Variants in GATA4 observed in about 807,000 individuals in gnomAD.
GATA4 encodes the protein transcription factor GATA-4.
Under a neutral mutation model 37.9 loss-of-function variants are expected in GATA4, and 7 were observed. That is an observed-to-expected ratio of 0.18 (90% CI 0.11 to 0.35). GATA4 has a LOEUF of 0.35. Among genes scored for constraint, GATA4 ranks in the 10% least tolerant of loss-of-function variants. GATA4 has a pLI of 1.00. For synonymous variants in GATA4, 372 were observed against 292.6 expected (o/e 1.27, Z -2.77); for missense variants, 647 against 653.0 (o/e 0.99, Z 0.10).
chr8:11,706,533 C>T (rs1221952006), intron 1 of GATA4, among the ~76,000 whole-genome samples: 1 of 152,176 alleles, frequency 6.6e-6, no homozygotes, highest in Non-Finnish European at 1.5e-5. Context: ...TTAATATCTG[C>T]ATTTTGCAGA....
intron 4 of GATA4, among the ~76,000 whole-genome samples, chr8:11,754,280 G>A (rs79945119): frequency 2.1e-4 from 32 of 152,214 alleles, no homozygotes; most frequent in African/African-American, 7.0e-4. Flanking sequence ...GCAGTGGCAC[G>A]ATCACGGCTT....
chr8:11,706,082 C>T (rs1374528113), intron 1 of GATA4: 1 of 152,138 alleles, frequency 6.6e-6, no homozygotes, highest in Non-Finnish European at 1.5e-5. Flanking sequence ...AAGTTGGTGA[C>T]CTCAGGTCAA....
intron 4 of GATA4, 81 bp downstream of exon 4, chr8:11,750,317 C>T: frequency 1.3e-6 from 2 of 1,572,124 alleles, no homozygotes; most frequent in South Asian, 2.2e-5. Flanking sequence ...TTCCTTTGTA[C>T]TAGCATTCAT....
At chr8:11,682,562 A>C (rs1799005054) in intron 1 of GATA4, among the ~76,000 whole-genome samples, 1 of 152,146 alleles carries the variant, frequency 6.6e-6, no homozygotes, top group Non-Finnish European at 1.5e-5. Flanking sequence ...GCTTGTAAGA[A>C]GTTTTTTTCC....
Position 11,704,202 on chromosome 8 carries a change from G to C in GATA4, c.-560G>C, listed in dbSNP as rs905453984. On this transcript the variant is annotated 5_prime_UTR_variant, in exon 1 of 7. Transcript: ENST00000532059. ...GGGCCGGGGACCCGAGCCGCGAGCT[G>C]GGGACTTGGAGGCGGCCGGCGCAGG... 6.6e-6 allele frequency: 1 copy of C among 152,308 alleles called. No individual in the cohort carries two copies. Among genetic ancestry groups the C allele is most frequent in the Non-Finnish European group, 1.5e-5 (1 of 68,140 alleles). 9.4% of individuals were successfully genotyped at this position (152,308 alleles called of 1,614,324 possible).
In GATA4 at chr8:11,679,452, C is replaced by A. The variant is rs1392845420; in HGVS notation, c.-274+2389C>A. 2.0e-5 allele frequency among the ~76,000 whole-genome samples: 3 copies of A among 152,190 alleles called. No individual in the cohort carries two copies. The East Asian group carries it at 5.8e-4, about 29-fold the overall frequency. The stretch of plus-strand genomic sequence containing the variant: ...CCGAAGCCGATCTAAGGTCAATAAA[C>A]CAGGCGGCGTCAGGCTTGGGCCGAG... On this transcript the variant is annotated intron_variant, in intron 1 of 6. Coordinates refer to the GATA4 transcript ENST00000528712.
intron 2 of GATA4, among the ~76,000 whole-genome samples, chr8:11,744,816 C>CCCTGA (rs1229341790): frequency 6.6e-6 from 1 of 152,072 alleles, no homozygotes; most frequent in African/African-American, 2.4e-5. Flanking sequence ...TTTTGGTAAC[C>CCCTGA]CCTGACCCTT....
chr8:11,692,760 G>A (rs958675880), intron 1 of GATA4: 58 of 982,634 alleles, frequency 5.9e-5, no homozygotes, highest in Non-Finnish European at 6.0e-5. Context: ...GCGGACGGAC[G>A]GGGGGCGGGA....
At chr8:11,702,055 C>T (rs1181732160), upstream of GATA4, among the ~76,000 whole-genome samples, 1 of 152,206 alleles carries the variant, frequency 6.6e-6, no homozygotes, top group African/African-American at 2.4e-5. The surrounding 1 kb of genome is among the most constrained non-coding windows in gnomAD (Gnocchi z 4.4). Flanking sequence ...GTGTACAGAG[C>T]AGGGGGTTGA....
intron 4 of GATA4, among the ~76,000 whole-genome samples, chr8:11,750,743 G>A (rs1218733645): frequency 7.4e-6 from 1 of 134,984 alleles, no homozygotes; most frequent in Non-Finnish European, 1.5e-5. Context: ...AACCAACCTG[G>A]ACAACATGGT....
At chr8:11,728,517 C>T (rs1801052020) in intron 2 of GATA4, among the ~76,000 whole-genome samples, 1 of 151,624 alleles carries the variant, frequency 6.6e-6, no homozygotes, top group African/African-American at 2.4e-5. Context: ...TACAGGTGTG[C>T]ACCACCATAC....
chr8:11,758,705 G>A lies in GATA4; in HGVS notation c.*230G>A. On this transcript the variant is annotated 3_prime_UTR_variant, in exon 7 of 7. Transcript: ENST00000532059. ...GGAGGGAGCCCACCCTTCAGCACGA[G>A]CACACTGCATCTCTCCTGTGAGTTG... 1 of 584,342 alleles carries A rather than the reference G, an allele frequency of 1.7e-6. No homozygotes were observed. The highest frequency in any genetic ancestry group is 3.1e-6 in the Non-Finnish European group (1 of 324,722). The allele number at this position is 584,342 out of a possible 1,614,324, so 36.2% of individuals were successfully genotyped here. A position where few individuals can be genotyped will look rare whatever the true frequency, so the allele number is the denominator to read the frequency against.
chr8:11,758,426 G>A lies in GATA4; in HGVS notation c.1283G>A (p.Trp428Ter). ...SPQTSSKQDS[W>*]NSLVLADSHG... is the part of the protein sequence containing the mutation. ...CAGACCAGCTCCAAGCAGGACTCTT[G>A]GAACAGCCTGGTCTTGGCCGACAGT... is the stretch of plus-strand genomic sequence containing the variant. Residue 428 changes from tryptophan to a stop codon, truncating the protein, a stop_gained, in exon 7 of 7, where the codon TGG (tryptophan) becomes TAG (stop). Coordinates refer to ENST00000532059, the MANE Select transcript of GATA4 (RefSeq NM_001308093.3). LOFTEE classifies it high-confidence loss of function. The A allele has an allele frequency of 1.2e-6, 2 of 1,614,230 alleles. No homozygotes were observed. The highest frequency in any genetic ancestry group is 1.7e-6 in the Non-Finnish European group (2 of 1,180,036).
chr8:11,748,940 A>C lies in GATA4; in HGVS notation c.641A>C (p.Glu214Ala). ...NLVDMFDDFS[E>A]GRECVNCGAM... The stretch of plus-strand genomic sequence containing the variant: ...GTAGATATGTTTGACGACTTCTCAG[A>C]AGGCAGAGAGTGTGTCAACTGTGGG... Residue 214 changes from glutamate (E) to alanine (A), a missense_variant, in exon 3 of 7, where the codon GAA (glutamate) becomes GCA (alanine). Physicochemically the swap from Glu to Ala is moderately radical, Grantham distance 107. This residue lies in a region of GATA4 where 379 missense variants were observed against 334.5 expected (regional missense o/e 1.13). Transcript: ENST00000532059. 6.2e-7 allele frequency: 1 copy of C among 1,614,226 alleles called. No homozygotes were observed. Among genetic ancestry groups the C allele is most frequent in the Non-Finnish European group, 8.5e-7 (1 of 1,180,044 alleles).
At chr8:11,679,179 C>G (rs28468438) in intron 1 of GATA4, among the ~76,000 whole-genome samples, 90,252 of 118,740 alleles carry the variant, frequency 0.76, 31,030 homozygotes, top group Middle Eastern at 0.82. Flanking sequence ...CGAATAATTG[C>G]GGGGGGGGGC....
At chr8:11,733,727 A>G (rs1326804254) in intron 2 of GATA4, among the ~76,000 whole-genome samples, 1 of 152,226 alleles carries the variant, frequency 6.6e-6, no homozygotes, top group African/African-American at 2.4e-5. Flanking sequence ...GCAGAGGAGT[A>G]TCCATGGTAT....
chr8:11,681,679 T>C (rs139003069), intron 1 of GATA4, among the ~76,000 whole-genome samples: 2 of 152,318 alleles, frequency 1.3e-5, no homozygotes, highest in Admixed American at 1.3e-4. Flanking sequence ...CTTTCTCTCT[T>C]CATTTCTCTC....
At chr8:11,693,479 AGAG>A (rs1418031101) in intron 1 of GATA4, among the ~76,000 whole-genome samples, 27 of 76,912 alleles carry the variant, frequency 3.5e-4, no homozygotes, top group African/African-American at 9.7e-4. Context: ...GGGAGAAAGA[AGAG>A]AGAGAGAGAG....
At chr8:11,743,801 T>C (rs979532176) in intron 2 of GATA4, among the ~76,000 whole-genome samples, 8 of 152,158 alleles carry the variant, frequency 5.3e-5, no homozygotes, top group Non-Finnish European at 8.8e-5. Flanking sequence ...GGCACTAGGG[T>C]GGGAGCAGCT....
Sources: allele counts gnomAD v4.1 joint callset (sites outside exome capture counted in the v4.1 genomes callset), GRCh38; gene constraint gnomAD v4.1.1; regional missense constraint gnomAD v4.1.1; non-coding constraint Gnocchi (gnomAD v3.1); transcripts MANE v1.5; gene names NCBI Gene and HGNC (gene_info 2026-07-23, HGNC 2026-07-21).